The following ANK3 variants were observed in gnomAD, a reference collection of about 807,000 sequenced individuals.
ANK3 encodes the protein ankyrin-3.
ANK3 carries 57 observed loss-of-function variants against 370.9 expected under a neutral mutation model. The ratio of observed to expected loss-of-function variants is 0.15; its 90% CI spans 0.12 to 0.19. The LOEUF (loss-of-function observed/expected upper bound fraction) is 0.19, where lower values mean the gene tolerates loss of function less well. Ranked by LOEUF, ANK3 falls within the 10% of genes least tolerant of loss-of-function variation. ANK3 has a pLI of 1.00. For missense variants in ANK3, 4,439 were observed against 5,302.1 expected, an observed-to-expected ratio of 0.84 and a Z score of 5.06; for synonymous variants, 1,929 against 1,946.3, an observed-to-expected ratio of 0.99 and a Z score of 0.23.
chr10:60,140,794 C>T, intron 23 of ANK3: 1 of 1,011,202 alleles, frequency 9.9e-7, no homozygotes, highest in Non-Finnish European at 1.2e-6. Flanking sequence ...TGTAGACTTT[C>T]GGTAATTTGA....
chr10:60,192,765 T>C (rs575360167), intron 16 of ANK3, among the ~76,000 whole-genome samples: 2 of 152,054 alleles, frequency 1.3e-5, no homozygotes, highest in Admixed American at 6.6e-5. Context: ...TGGGTGATGG[T>C]TTCACTAAAA....
At chr10:60,563,679 A>T (rs2077392594) in intron 2 of ANK3, among the ~76,000 whole-genome samples, 1 of 152,158 alleles carries the variant, frequency 6.6e-6, no homozygotes, top group Admixed American at 6.6e-5. Context: ...AGTTAAGGAA[A>T]AAATTTCAGT....
At position 60,697,011 on chromosome 10, in the gene ANK3, C is replaced by T. The variant is rs1345028769; in HGVS notation, c.57+36252G>A. ...TTGTTTATCTAGAAAACCCCATTGT[C>T]TCAGCCCAAAATCTCCTTAAGCTGA... On this transcript the variant is annotated intron_variant, in intron 1 of 43. Coordinates refer to the ANK3 transcript ENST00000373827. Among the ~76,000 whole-genome samples the T allele has an allele frequency of 4.2e-5, 6 of 144,372 alleles. No homozygotes were observed. In the East Asian group the frequency reaches 1.2e-3, roughly 29 times the overall value. The allele number at this position is 144,372 out of a possible 152,430, so 94.7% of individuals were successfully genotyped here.
intron 1 of ANK3, among the ~76,000 whole-genome samples, chr10:60,675,029 T>A (rs1183047166): frequency 6.6e-6 from 1 of 152,222 alleles, no homozygotes; most frequent in Non-Finnish European, 1.5e-5. Flanking sequence ...GCATTGCAAG[T>A]AGCAATTTAT....
chr10:60,716,754 G>A (rs1310811586), intron 1 of ANK3, among the ~76,000 whole-genome samples: 1 of 152,116 alleles, frequency 6.6e-6, no homozygotes, highest in African/African-American at 2.4e-5. Context: ...GCGCTCAAGT[G>A]ATCCTCCTGC....
At chr10:60,150,031 T>A (rs1355984370) in intron 23 of ANK3, among the ~76,000 whole-genome samples, 2 of 152,226 alleles carry the variant, frequency 1.3e-5, no homozygotes, top group Non-Finnish European at 2.9e-5. Flanking sequence ...TGTGCTCTTT[T>A]GATTGGAGCT....
intron 2 of ANK3, among the ~76,000 whole-genome samples, chr10:60,469,371 A>G (rs200045275): frequency 9.2e-3 from 32 of 3,480 alleles, no homozygotes; most frequent in East Asian, 0.022. Flanking sequence ...CTTTTAGTGT[A>G]TATATATATA....
At chr10:60,309,910 CTTTTCTT>C (rs1489262061) in intron 1 of ANK3, among the ~76,000 whole-genome samples, 25 of 147,642 alleles carry the variant, frequency 1.7e-4, no homozygotes, top group African/African-American at 5.0e-4. Context: ...AATTTCTTTT[CTTTTCTT>C]TTTTCTTTTT....
intron 4 of ANK3, among the ~76,000 whole-genome samples, chr10:60,275,024 T>C (rs2098065973): frequency 6.6e-6 from 1 of 152,198 alleles, no homozygotes; most frequent in Non-Finnish European, 1.5e-5. Flanking sequence ...CTGTTTGCTG[T>C]GAAATGGCAC....
At chr10:60,291,603 T>C (rs1249548391) in intron 1 of ANK3, among the ~76,000 whole-genome samples, 2 of 152,102 alleles carry the variant, frequency 1.3e-5, no homozygotes, top group East Asian at 1.9e-4. Context: ...CCACTGCTAA[T>C]GGTAAGTGTT....
chr10:60,610,516 AT>A (rs1258031451), intron 2 of ANK3, among the ~76,000 whole-genome samples: 40 of 144,708 alleles, frequency 2.8e-4, no homozygotes, highest in Non-Finnish European at 3.4e-4. Flanking sequence ...AAAAAAAAAA[AT>A]GCTTCCCGAA....
intron 2 of ANK3, among the ~76,000 whole-genome samples, chr10:60,494,689 T>C (rs577344795): frequency 3.5e-4 from 53 of 152,304 alleles, no homozygotes; most frequent in African/African-American, 1.2e-3. Flanking sequence ...TTAGTTACTA[T>C]AACAGATCCT....
At chr10:60,315,210 G>A (rs1021540748) in intron 1 of ANK3, among the ~76,000 whole-genome samples, 2 of 152,198 alleles carry the variant, frequency 1.3e-5, no homozygotes, top group Non-Finnish European at 2.9e-5. Flanking sequence ...GCATAAATAA[G>A]TAGTAGCTAT....
intron 1 of ANK3, chr10:60,684,885 C>T: frequency 6.7e-7 from 1 of 1,490,788 alleles, no homozygotes; most frequent in Non-Finnish European, 9.2e-7. Context: ...ATCAAGGAGT[C>T]CCTGTACTTA....
chr10:60,647,885 G>A (rs1446772932), intron 1 of ANK3, among the ~76,000 whole-genome samples: 2 of 147,508 alleles, frequency 1.4e-5, no homozygotes. Context: ...GTCTCACTCT[G>A]TCACCAGGCT....
chr10:60,346,879 C>A (rs1388507091), intron 1 of ANK3, among the ~76,000 whole-genome samples: 1 of 151,882 alleles, frequency 6.6e-6, no homozygotes, highest in Non-Finnish European at 1.5e-5. Flanking sequence ...ACTGATCTCA[C>A]CCTTTACTCA....
At chr10:60,420,588 A>G (rs1177210993) in intron 2 of ANK3, among the ~76,000 whole-genome samples, 1 of 151,530 alleles carries the variant, frequency 6.6e-6, no homozygotes, top group Non-Finnish European at 1.5e-5. Context: ...GTGGGCATAT[A>G]TTAAAAAAAA....
intron 1 of ANK3, among the ~76,000 whole-genome samples, chr10:60,319,896 C>T (rs2048264943): frequency 6.6e-6 from 1 of 152,256 alleles, no homozygotes; most frequent in Admixed American, 6.5e-5. Context: ...GTCACCCCAA[C>T]TTTCCCCATG....
intron 1 of ANK3, among the ~76,000 whole-genome samples, chr10:60,641,924 C>T (rs1437602686): frequency 2.0e-5 from 3 of 148,790 alleles, no homozygotes; most frequent in African/African-American, 7.4e-5. Flanking sequence ...TGAACTCAAA[C>T]AAATTTACAA....
Sources: gnomAD v4.1 joint callset for allele counts (sites outside exome capture counted in the v4.1 genomes callset) on GRCh38, gnomAD v4.1.1 for gene constraint, MANE v1.5 for transcripts, NCBI Gene and HGNC (gene_info 2026-07-23, HGNC 2026-07-21) for gene names.